CSMD1: variants seen among roughly 807,000 people sequenced by gnomAD.
CSMD1 encodes the protein CUB and Sushi multiple domains 1.
Under a neutral mutation model 417.5 loss-of-function variants are expected in CSMD1, and 213 were observed. That is an observed-to-expected ratio of 0.51 (90% confidence interval 0.46 to 0.57). The LOEUF (loss-of-function observed/expected upper bound fraction) is 0.57. CSMD1 is among the 20% of genes least tolerant of loss of function. CSMD1 has a pLI of 0.00. For missense variants in CSMD1, 6,923 were observed against 4,529.7 expected, an observed-to-expected ratio of 1.53 and a Z score of -15.17; for synonymous variants, 2,862 against 1,736.8, an observed-to-expected ratio of 1.65 and a Z score of -16.11.
chr8:4,985,702 T>A (rs554034567), intron 1 of CSMD1, among the ~76,000 whole-genome samples: 1 of 152,332 alleles, frequency 6.6e-6, no homozygotes, highest in African/African-American at 2.4e-5. Context: ...TTATATTTTT[T>A]AAGTATGGGG....
chr8:4,033,618 C>G (rs1797469916), intron 3 of CSMD1, among the ~76,000 whole-genome samples: 1 of 152,170 alleles, frequency 6.6e-6, no homozygotes, highest in Non-Finnish European at 1.5e-5. Flanking sequence ...TCCTCTTGGG[C>G]ACTTGTTCTC....
chr8:4,548,810 A>G (rs1797741139), intron 2 of CSMD1, among the ~76,000 whole-genome samples: 1 of 152,108 alleles, frequency 6.6e-6, no homozygotes, highest in South Asian at 2.1e-4. Context: ...CAACAACCTG[A>G]TATATGGAGA....
chr8:3,399,290 C>CA (rs2116866961), intron 16 of CSMD1, 101 bp downstream of exon 16: 8 of 1,148,188 alleles, frequency 7.0e-6, no homozygotes, highest in Admixed American at 2.4e-5. Context: ...ATGCGGGAAC[C>CA]GAAAAAAACT....
intron 5 of CSMD1, among the ~76,000 whole-genome samples, chr8:3,909,489 G>C (rs1411713282): frequency 6.6e-6 from 1 of 152,116 alleles, no homozygotes; most frequent in African/African-American, 2.4e-5. Flanking sequence ...AATATCCAGA[G>C]AGCTTTCTCC....
chr8:3,294,014 T>C (rs1803774355), intron 25 of CSMD1, among the ~76,000 whole-genome samples: 1 of 118,092 alleles, frequency 8.5e-6, no homozygotes, highest in Non-Finnish European at 2.1e-5. Flanking sequence ...GGTGTGGATG[T>C]CCTTTCTGTT....
intron 2 of CSMD1, among the ~76,000 whole-genome samples, chr8:4,593,544 G>A (rs1047991858): frequency 1.3e-5 from 2 of 152,128 alleles, no homozygotes; most frequent in Non-Finnish European, 2.9e-5. Context: ...GTGACTATTT[G>A]TAGCACTTAA....
chr8:3,752,147 A>G (rs1797373761), intron 6 of CSMD1, among the ~76,000 whole-genome samples: 1 of 152,118 alleles, frequency 6.6e-6, no homozygotes, highest in Admixed American at 6.5e-5. Flanking sequence ...AACTACAGCC[A>G]CAGTATATGG....
At chr8:4,602,696 G>C (rs1301134006) in intron 2 of CSMD1, among the ~76,000 whole-genome samples, 1 of 152,128 alleles carries the variant, frequency 6.6e-6, no homozygotes, top group African/African-American at 2.4e-5. Flanking sequence ...ATTGTCTTAA[G>C]ATCTTCATTG....
intron 7 of CSMD1, among the ~76,000 whole-genome samples, chr8:3,627,516 GACT>G (rs1796554782): frequency 6.6e-6 from 1 of 152,030 alleles, no homozygotes; most frequent in Non-Finnish European, 1.5e-5. Flanking sequence ...GAATATATGA[GACT>G]ACTTTTAGTA....
chr8:4,943,836 C>G (rs1411592363), intron 1 of CSMD1, among the ~76,000 whole-genome samples: 1 of 152,098 alleles, frequency 6.6e-6, no homozygotes, highest in Non-Finnish European at 1.5e-5. Flanking sequence ...TTATTCAGAA[C>G]AAATCGAAGC....
chr8:4,094,110 C>A (rs561722211), intron 3 of CSMD1, among the ~76,000 whole-genome samples: 1 of 152,200 alleles, frequency 6.6e-6, no homozygotes, highest in African/African-American at 2.4e-5. Flanking sequence ...AACGGCTTCC[C>A]CAACAGATGG....
At chr8:3,586,099 G>C (rs1240753336) in intron 9 of CSMD1, 37 bp downstream of exon 9, 2 of 1,591,018 alleles carry the variant, frequency 1.3e-6, no homozygotes, top group East Asian at 2.2e-5. Flanking sequence ...CTTAAAGAAA[G>C]AGATAATCCA....
chr8:4,067,046 G>C (rs992352208), intron 3 of CSMD1, among the ~76,000 whole-genome samples: 5 of 152,248 alleles, frequency 3.3e-5, no homozygotes, highest in African/African-American at 4.8e-5. Flanking sequence ...TGAAAATCAA[G>C]TGTTGCCACA....
chr8:3,194,219 T>A (rs974041214), intron 33 of CSMD1, among the ~76,000 whole-genome samples: 1 of 152,070 alleles, frequency 6.6e-6, no homozygotes, highest in African/African-American at 2.4e-5. Flanking sequence ...GAAAACCAAC[T>A]AAGCCATATA....
chr8:4,730,323 G>GA (rs1406418772), intron 1 of CSMD1, among the ~76,000 whole-genome samples: 1 of 152,150 alleles, frequency 6.6e-6, no homozygotes, highest in Non-Finnish European at 1.5e-5. Flanking sequence ...TCAGTTCAAA[G>GA]AAATGTTGCA....
intron 17 of CSMD1, among the ~76,000 whole-genome samples, chr8:3,395,232 G>A (rs1054681124): frequency 6.6e-6 from 1 of 152,108 alleles, no homozygotes; most frequent in Non-Finnish European, 1.5e-5. Flanking sequence ...TTGAGATAAA[G>A]CTCTGAAAAA....
rs974084766 is a variant in CSMD1, at chr8:4,740,571, A to G, written c.86-103013T>C. 7.2e-5 allele frequency among the ~76,000 whole-genome samples: 11 copies of G among 152,286 alleles called. No homozygotes were observed. The East Asian group carries it at 2.1e-3, about 29-fold the overall frequency. On this transcript the variant is annotated intron_variant, in intron 1 of 69. Transcript: ENST00000635120. ...AAAAAGGTATTTTAAATCATTTTTT[A>G]TTATGGTCTCAGATAGCGTAACAAG...
chr8:3,523,959 A>C (rs1411062439), intron 10 of CSMD1, among the ~76,000 whole-genome samples: 1 of 151,080 alleles, frequency 6.6e-6, no homozygotes, highest in African/African-American at 2.4e-5. Context: ...ATACACATGC[A>C]CACTTACACA....
At chr8:3,320,216 G>T (rs567775170) in intron 23 of CSMD1, among the ~76,000 whole-genome samples, 1 of 152,294 alleles carries the variant, frequency 6.6e-6, no homozygotes, top group East Asian at 1.9e-4. Context: ...GGGGCCCGTG[G>T]CCCTGGCACT....
Sources: gnomAD v4.1 joint callset for allele counts (sites outside exome capture counted in the v4.1 genomes callset) on GRCh38, gnomAD v4.1.1 for gene constraint, MANE v1.5 for transcripts, NCBI Gene and HGNC (gene_info 2026-07-23, HGNC 2026-07-21) for gene names.